HS3ST3A1: variants seen among roughly 807,000 people sequenced by gnomAD.
The protein encoded by HS3ST3A1 is heparan sulfate glucosamine 3-O-sulfotransferase 3A1.
HS3ST3A1 carries 19 observed loss-of-function variants against 25.7 expected under a neutral mutation model. That is an observed-to-expected ratio of 0.74 (90% CI 0.52 to 1.08). HS3ST3A1 has a LOEUF of 1.08. HS3ST3A1 is among the 50% of genes least tolerant of loss of function. The pLI, the probability that HS3ST3A1 is intolerant of heterozygous loss-of-function variation, is 0.00. For missense variants in HS3ST3A1, 459 were observed against 594.3 expected (o/e 0.77, Z 2.37); for synonymous variants, 226 against 278.6 (o/e 0.81, Z 1.88).
chr17:13,569,170 T>G (rs1799297778), intron 1 of HS3ST3A1, among the ~76,000 whole-genome samples: 1 of 152,122 alleles, frequency 6.6e-6, no homozygotes, highest in African/African-American at 2.4e-5. Context: ...TCAACCCAGG[T>G]CTTTTCTCCT....
At chr17:13,574,756 AC>A (rs1425756638) in intron 1 of HS3ST3A1, among the ~76,000 whole-genome samples, 4 of 56,910 alleles carry the variant, frequency 7.0e-5, no homozygotes, top group Non-Finnish European at 1.4e-4. Flanking sequence ...ACACACACAC[AC>A]ACAAAAAACA....
intron 1 of HS3ST3A1, among the ~76,000 whole-genome samples, chr17:13,539,923 C>T (rs1046348869): frequency 6.6e-6 from 1 of 152,148 alleles, no homozygotes; most frequent in Non-Finnish European, 1.5e-5. Flanking sequence ...CACCCATTTG[C>T]TCAAAATGTG....
chr17:13,505,367 T>C (rs1007324407), intron 1 of HS3ST3A1, among the ~76,000 whole-genome samples: 2 of 152,190 alleles, frequency 1.3e-5, no homozygotes, highest in South Asian at 4.1e-4. Flanking sequence ...CTGCTTGAAC[T>C]GAGGAGCTGT....
chr17:13,590,549 T>C (rs985279604), intron 1 of HS3ST3A1, among the ~76,000 whole-genome samples: 1 of 152,330 alleles, frequency 6.6e-6, no homozygotes, highest in African/African-American at 2.4e-5. Context: ...AGACAATCTT[T>C]ATCTTTCAGA....
At chr17:13,545,207 C>A (rs1434820946) in intron 1 of HS3ST3A1, among the ~76,000 whole-genome samples, 1 of 152,120 alleles carries the variant, frequency 6.6e-6, no homozygotes, top group South Asian at 2.1e-4. Context: ...TCGGGCCTTA[C>A]CCAGACATAA....
intron 1 of HS3ST3A1, among the ~76,000 whole-genome samples, chr17:13,505,521 G>A (rs1445363480): frequency 1.3e-5 from 2 of 152,206 alleles, no homozygotes; most frequent in East Asian, 3.9e-4. Context: ...AGCTCGAGGA[G>A]TTAAAGACCA....
intron 1 of HS3ST3A1, among the ~76,000 whole-genome samples, chr17:13,520,623 T>A (rs1013718657): frequency 3.9e-5 from 6 of 152,052 alleles, no homozygotes; most frequent in Non-Finnish European, 8.8e-5. Flanking sequence ...TCTTTCTTTT[T>A]TTTTTTGGGG....
chr17:13,578,393 C>CAAA (rs397960321), intron 1 of HS3ST3A1, among the ~76,000 whole-genome samples: 5 of 94,936 alleles, frequency 5.3e-5, no homozygotes, highest in Middle Eastern at 5.4e-3. Context: ...TACAAAAATA[C>CAAA]AAAAAAAAAA....
At chr17:13,538,690 G>A (rs1405137699) in intron 1 of HS3ST3A1, among the ~76,000 whole-genome samples, 1 of 152,012 alleles carries the variant, frequency 6.6e-6, no homozygotes, top group Non-Finnish European at 1.5e-5. Context: ...AGACTGTGCA[G>A]CATCTACCAA....
rs913955276 is a variant in HS3ST3A1, at chr17:13,601,216, C to A, written c.-87G>T. ...CCAGAGCATCCCCCCGGCGGGCCAG[C>A]GCGCTGGACGGAGGCCACATCGCCG... On this transcript the variant is annotated 5_prime_UTR_variant, in exon 1 of 2. Coordinates refer to ENST00000284110, the MANE Select transcript of HS3ST3A1 (RefSeq NM_006042.3). 3.9e-6 allele frequency: 4 copies of A among 1,038,634 alleles called. No individual in the cohort carries two copies. Among genetic ancestry groups the A allele is most frequent in the East Asian group, 3.1e-5 (1 of 31,862 alleles). 64.3% of individuals were successfully genotyped at this position (1,038,634 alleles called of 1,614,324 possible). A position where few individuals can be genotyped will look rare whatever the true frequency, so the allele number is the denominator to read the frequency against.
Position 13,592,973 on chromosome 17 carries a change from A to G in HS3ST3A1, c.599+7558T>C, listed in dbSNP as rs191583756. Among the ~76,000 whole-genome samples the G allele has an allele frequency of 8.8e-4, 134 of 152,286 alleles. 1 individual carries two copies. Among genetic ancestry groups the G allele is most frequent in the African/African-American group, 2.9e-3 (121 of 41,546 alleles). The stretch of plus-strand genomic sequence containing the variant: ...GATCCTCCAGAGGTCTGAAGGTTGC[A>G]CTTTCTCTCTTCCTGCCTCTTCCTT... On this transcript the variant is annotated intron_variant, in intron 1 of 1. Coordinates refer to ENST00000284110, the MANE Select transcript of HS3ST3A1 (RefSeq NM_006042.3).
intron 1 of HS3ST3A1, among the ~76,000 whole-genome samples, chr17:13,513,163 A>T (rs1905933119): frequency 6.6e-6 from 1 of 152,366 alleles, no homozygotes; most frequent in East Asian, 1.9e-4. Context: ...GCCGGCAGAC[A>T]GGCTGTCCAT....
intron 1 of HS3ST3A1, among the ~76,000 whole-genome samples, chr17:13,591,926 C>A (rs982810198): frequency 6.6e-6 from 1 of 152,176 alleles, no homozygotes; most frequent in Admixed American, 6.5e-5. Flanking sequence ...TCCCAAAGTG[C>A]CGGGATTCCA....
chr17:13,498,085 G>C (rs1435640477), intron 1 of HS3ST3A1, among the ~76,000 whole-genome samples: 2 of 152,118 alleles, frequency 1.3e-5, no homozygotes, highest in Non-Finnish European at 2.9e-5. Context: ...ACTTCATAAA[G>C]GCCTATTTTA....
chr17:13,522,849 G>C lies in HS3ST3A1; in HGVS notation c.600-26031C>G, dbSNP rs1052931568. 1.7e-4 allele frequency among the ~76,000 whole-genome samples: 17 copies of C among 101,564 alleles called. 1 individual carries two copies. The highest frequency in any genetic ancestry group is 1.2e-3 in the South Asian group (4 of 3,232). 66.6% of individuals were successfully genotyped at this position (101,564 alleles called of 152,430 possible). A position where few individuals can be genotyped will look rare whatever the true frequency, so the allele number is the denominator to read the frequency against. ...CACACACACACACCACACACACACA[G>C]AGAGACACACACACACACACACACA... On this transcript the variant is annotated intron_variant, in intron 1 of 1. Transcript: ENST00000284110.
chr17:13,570,648 G>C lies in HS3ST3A1; in HGVS notation c.599+29883C>G, dbSNP rs563919507. On this transcript the variant is annotated intron_variant, in intron 1 of 1. Transcript: ENST00000284110. Reference sequence around the variant, plus strand: ...CATGCACCAGGCCTAGCTAATTTTTGAATTGTTTGTAGAGATGGGATTTCA... The same window carrying C: ...CATGCACCAGGCCTAGCTAATTTTTCAATTGTTTGTAGAGATGGGATTTCA... Among the ~76,000 whole-genome samples, 11 of 152,222 alleles carry C rather than the reference G, an allele frequency of 7.2e-5. No homozygotes were observed. In the South Asian group the frequency reaches 2.3e-3, roughly 32 times the overall value.
intron 1 of HS3ST3A1, chr17:13,543,434 A>C (rs1598421116): frequency 6.0e-6 from 1 of 167,044 alleles, no homozygotes; most frequent in East Asian, 2.0e-4. Context: ...TTTCTCTGAC[A>C]TAGCCCAAGC....
chr17:13,499,234 C>T (rs1373869343), intron 1 of HS3ST3A1, among the ~76,000 whole-genome samples: 1 of 152,154 alleles, frequency 6.6e-6, no homozygotes, highest in Non-Finnish European at 1.5e-5. Context: ...ATGCATAGAA[C>T]TCATCCCTCT....
intron 1 of HS3ST3A1, among the ~76,000 whole-genome samples, chr17:13,535,200 T>C (rs1168058380): frequency 1.3e-5 from 2 of 152,192 alleles, no homozygotes; most frequent in African/African-American, 4.8e-5. Flanking sequence ...CATTATTTAA[T>C]ATATAGTTGA....
Sources: allele counts gnomAD v4.1 joint callset (sites outside exome capture counted in the v4.1 genomes callset), GRCh38; gene constraint gnomAD v4.1.1; transcripts MANE v1.5; gene names NCBI Gene and HGNC (gene_info 2026-07-23, HGNC 2026-07-21).